EFCAB13: variants seen among roughly 807,000 people sequenced by gnomAD.
EFCAB13 encodes EF-hand calcium-binding domain-containing protein 13.
Under a neutral mutation model 110.2 loss-of-function variants are expected in EFCAB13, and 91 were observed. That is an observed-to-expected ratio of 0.83 (90% CI 0.70 to 0.98). EFCAB13 has a LOEUF of 0.98. Ranked by LOEUF, EFCAB13 falls within the 50% of genes least tolerant of loss-of-function variation. EFCAB13 has a pLI of 0.00. For synonymous variants in EFCAB13, 323 were observed against 369.9 expected, an observed-to-expected ratio of 0.87 and a Z score of 1.45; for missense variants, 968 against 1,119.4, an observed-to-expected ratio of 0.86 and a Z score of 1.93.
In EFCAB13 at chr17:47,429,946, C is replaced by T. The variant is rs1248468554; in HGVS notation, c.2623C>T (p.His875Tyr). The T allele has an allele frequency of 6.2e-7, 1 of 1,604,838 alleles. No individual in the cohort carries two copies. Among genetic ancestry groups the T allele is most frequent in the East Asian group, 2.2e-5 (1 of 44,596 alleles). ...TGCTATACTTACTGTAATGTTAAGA[C>T]ATGTACCTGAACATGGTTAGTAGTT... ...ANAILTVMLRHVPEHESGKVS... is the reference protein window; with the variant it reads ...ANAILTVMLRYVPEHESGKVS... Residue 875 changes from histidine (H) to tyrosine (Y), a missense_variant, in exon 24 of 25, where the codon CAT (histidine) becomes TAT (tyrosine). Transcript: ENST00000331493.
At chr17:47,358,962 A>G (rs2065495294) in intron 9 of EFCAB13, among the ~76,000 whole-genome samples, 1 of 152,226 alleles carries the variant, frequency 6.6e-6, no homozygotes, top group South Asian at 2.1e-4. Context: ...AATTTTTGCC[A>G]GAGTTCTCAT....
chr17:47,440,870 G>T lies in EFCAB13; in HGVS notation c.*156G>T. ...TGTTATGTTCTCATGTATCTTCAGC[G>T]ACTCTCTTGATCACACTTTTTAAAC... On this transcript the variant is annotated 3_prime_UTR_variant, in exon 25 of 25. Coordinates refer to ENST00000331493, the MANE Select transcript of EFCAB13 (RefSeq NM_152347.5). 1 of 559,052 alleles carries T rather than the reference G, an allele frequency of 1.8e-6. No homozygotes were observed. 34.6% of individuals were successfully genotyped at this position (559,052 alleles called of 1,614,324 possible).
Position 47,376,892 on chromosome 17 carries a change from G to T in EFCAB13, c.1373-874G>T, listed in dbSNP as rs1218983243. ...TGTCTTGTATAATACTCTTCATTTT[G>T]GATTTTTCTTTTATTCCTTCACAAA... On this transcript the variant is annotated intron_variant, in intron 12 of 24. Coordinates refer to ENST00000331493, the MANE Select transcript of EFCAB13 (RefSeq NM_152347.5). Among the ~76,000 whole-genome samples, 6 of 152,124 alleles carry T rather than the reference G, an allele frequency of 3.9e-5. No homozygotes were observed. The South Asian group carries it at 8.3e-4, about 21-fold the overall frequency.
rs373076606 is a variant in EFCAB13 at position 47,374,745 on chromosome 17, A to G, written c.1151A>G (p.Tyr384Cys). The G allele has an allele frequency of 2.1e-5, 34 of 1,614,016 alleles. No homozygotes were observed. In the African/African-American group the frequency reaches 4.4e-4, roughly 21 times the overall value. ...GSSNVGVQEPYSKNGINFKKH... is the reference protein window; with the variant it reads ...GSSNVGVQEPCSKNGINFKKH... Reference sequence around the variant, plus strand: ...AGTAATGTAGGAGTCCAAGAACCATATTCAAAGAATGGCATAAACTTTAAA... The same window carrying G: ...AGTAATGTAGGAGTCCAAGAACCATGTTCAAAGAATGGCATAAACTTTAAA... Residue 384 changes from tyrosine to cysteine, a missense_variant, in exon 12 of 25, where the codon TAT becomes TGT. Physicochemically the swap from Tyr to Cys is radical, Grantham distance 194. Coordinates refer to ENST00000331493, the MANE Select transcript of EFCAB13 (RefSeq NM_152347.5).
intron 23 of EFCAB13, among the ~76,000 whole-genome samples, chr17:47,427,025 TCA>T (rs1904985232): frequency 6.6e-6 from 1 of 152,132 alleles, no homozygotes; most frequent in African/African-American, 2.4e-5. Context: ...TCTCTTATTC[TCA>T]GTTTTCTTTT....
chr17:47,343,390 CT>C (rs772838158), intron 6 of EFCAB13, among the ~76,000 whole-genome samples: 2 of 152,012 alleles, frequency 1.3e-5, no homozygotes, highest in Non-Finnish European at 2.9e-5. Flanking sequence ...AATAGTCTTT[CT>C]TTTTTTCTAA....
chr17:47,325,030 C>CCCTTTTTTTTTTTTTTTTTTTTTTTTTT (rs1187065378), intron 2 of EFCAB13, among the ~76,000 whole-genome samples: 1 of 116,718 alleles, frequency 8.6e-6, no homozygotes, highest in Non-Finnish European at 1.9e-5. Flanking sequence ...CCCCACCCCC[C>CCCTTTTTTTTTTTTTTTTTTTTTTTTTT]TTTTTTTTTT....
rs2065604235 is a variant in EFCAB13, at chr17:47,374,686, G to A, written c.1092G>A (p.Trp364Ter). ...DLESKRPKNT[W>*]QIRKFLGGVG... ...AATCTAAAAGACCAAAAAATACTTGGCAAATAAGAAAATTTCTGGGTGGGG... is the reference window on the plus strand; with the variant it reads ...AATCTAAAAGACCAAAAAATACTTGACAAATAAGAAAATTTCTGGGTGGGG... Residue 364 changes from tryptophan to a stop codon, truncating the protein, a stop_gained, in exon 12 of 25, where the codon TGG becomes TGA. Transcript: ENST00000331493. LOFTEE classifies it high-confidence loss of function. 1.2e-6 allele frequency: 2 copies of A among 1,612,372 alleles called. No individual in the cohort carries two copies. The highest frequency in any genetic ancestry group is 1.7e-5 in the Admixed American group (1 of 59,710).
chr17:47,391,659 T>A, intron 15 of EFCAB13, 79 bp downstream of exon 15: 1 of 1,301,918 alleles, frequency 7.7e-7, no homozygotes, highest in Non-Finnish European at 1.0e-6. Flanking sequence ...CTTAGAAAAA[T>A]GACTAATTTT....
chr17:47,375,915 A>G (rs145548545), intron 12 of EFCAB13, among the ~76,000 whole-genome samples: 284 of 152,260 alleles, frequency 1.9e-3, no homozygotes, highest in African/African-American at 6.0e-3. Context: ...AAATAATACT[A>G]TATATCTAGG....
chr17:47,392,792 C>T (rs1005055278), intron 15 of EFCAB13, among the ~76,000 whole-genome samples: 22 of 152,040 alleles, frequency 1.4e-4, no homozygotes, highest in African/African-American at 4.8e-4. Flanking sequence ...AATTTTCTGA[C>T]GTAGGATTTT....
At chr17:47,351,302 T>C (rs147037885) in intron 9 of EFCAB13, among the ~76,000 whole-genome samples, 129 of 101,660 alleles carry the variant, frequency 1.3e-3, no homozygotes, top group African/African-American at 2.8e-3. Flanking sequence ...TGTGTGTGTG[T>C]GTGCGCGCGC....
chr17:47,355,373 C>T (rs1374977023), intron 9 of EFCAB13, among the ~76,000 whole-genome samples: 5 of 152,074 alleles, frequency 3.3e-5, no homozygotes, highest in Admixed American at 1.3e-4. Flanking sequence ...GATCTTTTTG[C>T]GATGAATTTC....
chr17:47,411,558 T>C lies in EFCAB13; in HGVS notation c.2279-1215T>C, dbSNP rs192359202. Among the ~76,000 whole-genome samples the C allele has an allele frequency of 1.1e-4, 16 of 152,352 alleles. No homozygotes were observed. In the East Asian group the frequency reaches 3.1e-3, roughly 29 times the overall value. On this transcript the variant is annotated intron_variant, in intron 21 of 24. Coordinates refer to ENST00000331493, the MANE Select transcript of EFCAB13 (RefSeq NM_152347.5). ...GATATGACAGATTTAGTCTCCCTTA[T>C]CAAGGAATTTACTTGAAACTCTTTG... is the stretch of plus-strand genomic sequence containing the variant.
intron 5 of EFCAB13, among the ~76,000 whole-genome samples, chr17:47,335,801 G>T (rs925182123): frequency 4.6e-5 from 7 of 152,142 alleles, no homozygotes; most frequent in African/African-American, 1.4e-4. Context: ...TAAACAAACA[G>T]ATCTCATGAG....
intron 10 of EFCAB13, among the ~76,000 whole-genome samples, chr17:47,364,716 AATG>A: frequency 6.6e-6 from 1 of 152,324 alleles, no homozygotes; most frequent in South Asian, 2.1e-4. Context: ...CTGCAGCCAT[AATG>A]ATCTTCATTC....
At chr17:47,352,151 C>G (rs2065457242) in intron 9 of EFCAB13, among the ~76,000 whole-genome samples, 1 of 151,856 alleles carries the variant, frequency 6.6e-6, no homozygotes, top group South Asian at 2.1e-4. Context: ...ATCCTCCCAC[C>G]TCGGCCTCCC....
At chr17:47,433,720 C>A (rs540712276) in intron 24 of EFCAB13, among the ~76,000 whole-genome samples, 2 of 152,138 alleles carry the variant, frequency 1.3e-5, no homozygotes, top group Non-Finnish European at 2.9e-5. Context: ...TATTCCTTCA[C>A]TCCCATTAAT....
chr17:47,367,439 C>T (rs1335124442), intron 10 of EFCAB13, among the ~76,000 whole-genome samples: 1 of 152,206 alleles, frequency 6.6e-6, no homozygotes, highest in Non-Finnish European at 1.5e-5. Context: ...CCTGGCTTGC[C>T]CCACCCCGCC....
Sources: allele counts gnomAD v4.1 joint callset (sites outside exome capture counted in the v4.1 genomes callset), GRCh38; gene constraint gnomAD v4.1.1; transcripts MANE v1.5; gene names NCBI Gene and HGNC (gene_info 2026-07-23, HGNC 2026-07-21).